SPATC1: variants seen among roughly 807,000 people sequenced by gnomAD.
SPATC1 encodes spermatogenesis and centriole associated 1, also known as speriolin.
In SPATC1, 35 loss-of-function variants were observed where a neutral mutation model predicts 36.5. That is an observed-to-expected ratio of 0.96 (90% confidence interval 0.73 to 1.27). The LOEUF is 1.27. Among genes scored for constraint, SPATC1 ranks in the 50% most tolerant of loss-of-function variants. The pLI, the probability that SPATC1 is intolerant of heterozygous loss-of-function variation, is 0.00. For synonymous variants in SPATC1, 361 were observed against 353.6 expected (o/e 1.02, Z -0.24); for missense variants, 779 against 796.0 (o/e 0.98, Z 0.26).
intron 1 of SPATC1, among the ~76,000 whole-genome samples, chr8:144,020,241 CACT>C (rs1834480471): frequency 2.7e-5 from 4 of 150,594 alleles, no homozygotes; most frequent in African/African-American, 7.4e-5. Context: ...TCTCTCAGGA[CACT>C]CTTCCCTGAA....
chr8:144,038,139 A>AG, intron 1 of SPATC1, among the ~76,000 whole-genome samples: 1 of 151,012 alleles, frequency 6.6e-6, no homozygotes, highest in East Asian at 2.0e-4. Flanking sequence ...AAAAAAAAAA[A>AG]AATTGATTTT....
In SPATC1 at chr8:144,026,528, T is replaced by A. The variant is rs1338231054; in HGVS notation, c.212-13381T>A. Among the ~76,000 whole-genome samples the A allele has an allele frequency of 4.6e-5, 7 of 152,330 alleles. No individual in the cohort carries two copies. In the East Asian group the frequency reaches 9.6e-4, roughly 21 times the overall value. On this transcript the variant is annotated intron_variant, in intron 1 of 4. Coordinates refer to ENST00000377470, the MANE Select transcript of SPATC1 (RefSeq NM_198572.3). Reference sequence around the variant, plus strand: ...TCAACTGTTTAAGGAACTGCCAGATTGTTTTTCAAAGCCGCCGCACCATTT... The same window carrying A: ...TCAACTGTTTAAGGAACTGCCAGATAGTTTTTCAAAGCCGCCGCACCATTT...
At chr8:144,023,176 C>T (rs1326335958) in intron 1 of SPATC1, among the ~76,000 whole-genome samples, 30 of 131,170 alleles carry the variant, frequency 2.3e-4, no homozygotes, top group Non-Finnish European at 3.9e-4. Context: ...TCTCAGGACC[C>T]TCTTTCCTCA....
In SPATC1 at chr8:144,046,416, C is replaced by T. The variant is rs1422000189; in HGVS notation, c.1447-211C>T. 2.0e-5 allele frequency among the ~76,000 whole-genome samples: 3 copies of T among 152,184 alleles called. No homozygotes were observed. The highest frequency in any genetic ancestry group is 6.5e-5 in the Admixed American group (1 of 15,288). On this transcript the variant is annotated intron_variant, in intron 4 of 4. Coordinates refer to ENST00000377470, the MANE Select transcript of SPATC1 (RefSeq NM_198572.3). The surrounding 1 kb of genome is among the most constrained non-coding windows in gnomAD (Gnocchi z 6.6). ...ACTGGGGAGCTTTGAGAGCCACCTG[C>T]CCTGCCCGGATCAGGCCTTGGAGAC...
At chr8:144,031,723 C>CTTTTTTTTTTTTTTTTTTTTTTTTT in intron 1 of SPATC1, among the ~76,000 whole-genome samples, 1 of 129,038 alleles carries the variant, frequency 7.7e-6, no homozygotes, top group Non-Finnish European at 1.6e-5. Flanking sequence ...TTCTTTCTTT[C>CTTTTTTTTTTTTTTTTTTTTTTTTT]TTTTTTTTTT....
chr8:144,037,145 G>A (rs1479881492), intron 1 of SPATC1, among the ~76,000 whole-genome samples: 1 of 124,588 alleles, frequency 8.0e-6, no homozygotes, highest in Non-Finnish European at 1.6e-5. Context: ...GGAGGGAGGT[G>A]GGGGGGTCAG....
chr8:144,021,076 TGA>T (rs2133106873), intron 1 of SPATC1, among the ~76,000 whole-genome samples: 2 of 1,456 alleles, frequency 1.4e-3, no homozygotes, highest in Admixed American at 9.3e-3. Context: ...CCTGAGGACC[TGA>T]TGCCCCCAGG....
Position 144,046,909 on chromosome 8 carries a change from C to CA in SPATC1, c.1729_1730insA (p.Leu577HisfsTer8). On this transcript the variant is annotated frameshift_variant, in exon 5 of 5. Coordinates refer to ENST00000377470, the MANE Select transcript of SPATC1 (RefSeq NM_198572.3). LOFTEE classifies it high-confidence loss of function. This position sits in a 1 kb window ranked among gnomAD's most constrained non-coding sequence, Gnocchi z 6.6. ...CGACGCGCTGCTGCTGCTCTCCTGC[C>CA]TCAGCCAGCTGGCGCACGATGACGG... is the stretch of plus-strand genomic sequence containing the variant. 1 of 1,598,982 alleles carries CA rather than the reference C, an allele frequency of 6.3e-7. No individual in the cohort carries two copies. Among genetic ancestry groups the CA allele is most frequent in the Non-Finnish European group, 8.5e-7 (1 of 1,179,674 alleles).
At chr8:144,029,614 AG>A (rs1475154285) in intron 1 of SPATC1, among the ~76,000 whole-genome samples, 1 of 152,138 alleles carries the variant, frequency 6.6e-6, no homozygotes, top group Non-Finnish European at 1.5e-5. Flanking sequence ...TCATTTCCAC[AG>A]TTGTGAATTT....
intron 4 of SPATC1, among the ~76,000 whole-genome samples, chr8:144,043,297 A>G (rs1283387655): frequency 7.0e-6 from 1 of 142,040 alleles, no homozygotes; most frequent in Non-Finnish European, 1.5e-5. Context: ...GCCCAGCCTT[A>G]CATTTTTTTT....
Position 144,045,567 on chromosome 8 carries a change from G to A in SPATC1, c.1447-1060G>A, listed in dbSNP as rs1835238249. On this transcript the variant is annotated intron_variant, in intron 4 of 4. Coordinates refer to ENST00000377470, the MANE Select transcript of SPATC1 (RefSeq NM_198572.3). The surrounding 1 kb of genome is among the most constrained non-coding windows in gnomAD (Gnocchi z 5.2). ...AAGAGGGGTGCAGGGACAGATGGGG[G>A]GACACTGGAGGGTGGCCCTCCCCCA... 6.6e-6 allele frequency among the ~76,000 whole-genome samples: 1 copy of A among 152,194 alleles called. No individual in the cohort carries two copies. The highest frequency in any genetic ancestry group is 6.5e-5 in the Admixed American group (1 of 15,290).
chr8:144,032,134 A>G (rs901717187), intron 1 of SPATC1, among the ~76,000 whole-genome samples: 2 of 151,938 alleles, frequency 1.3e-5, no homozygotes, highest in East Asian at 3.9e-4. Flanking sequence ...GAGGTCTCTT[A>G]GGCTTTATTC....
At chr8:144,037,627 T>C (rs1834938771) in intron 1 of SPATC1, among the ~76,000 whole-genome samples, 1 of 151,900 alleles carries the variant, frequency 6.6e-6, no homozygotes, top group African/African-American at 2.4e-5. Context: ...TTAAGAGTCA[T>C]CACCACTCCC....
rs782000544 is a variant in SPATC1, at chr8:144,041,089, T to A, written c.1288T>A (p.Phe430Ile). Residue 430 changes from phenylalanine (F) to isoleucine (I), a missense_variant, in exon 3 of 5, where the codon TTC (phenylalanine) becomes ATC (isoleucine). Coordinates refer to ENST00000377470, the MANE Select transcript of SPATC1 (RefSeq NM_198572.3). ...GCTGGCCCACCGCAAGACCAGCAAG[T>A]TCCCCGAGAACCCCCGAGGTCAGTG... ...RKLAHRKTSK[F>I]PENPRESKQL... The A allele has an allele frequency of 1.5e-5, 24 of 1,583,758 alleles. No individual in the cohort carries two copies. The highest frequency in any genetic ancestry group is 1.8e-5 in the Non-Finnish European group (21 of 1,163,202).
chr8:144,041,261 G>C lies in SPATC1; in HGVS notation c.1336G>C (p.Val446Leu), dbSNP rs1204359545. ...ESKQLAWERL[V>L]GEIAFQLDRR... is the part of the protein sequence containing the mutation. Reference sequence around the variant, plus strand: ...GAAGCAGCTGGCCTGGGAGAGGCTGGTGGGTGAGATTGCCTTCCAGCTGGA... The same window carrying C: ...GAAGCAGCTGGCCTGGGAGAGGCTGCTGGGTGAGATTGCCTTCCAGCTGGA... The change falls in exon 4 of 5, where the codon GTG becomes CTG. Residue 446 changes from valine (V) to leucine (L), a missense_variant. Coordinates refer to ENST00000377470, the MANE Select transcript of SPATC1 (RefSeq NM_198572.3). The C allele has an allele frequency of 1.2e-6, 2 of 1,613,216 alleles. No homozygotes were observed. Among genetic ancestry groups the C allele is most frequent in the Non-Finnish European group, 1.7e-6 (2 of 1,179,998 alleles).
At chr8:144,041,672 G>C (rs886186905) in intron 4 of SPATC1, among the ~76,000 whole-genome samples, 1 of 152,212 alleles carries the variant, frequency 6.6e-6, no homozygotes, top group Non-Finnish European at 1.5e-5. Flanking sequence ...CAGCATGCCG[G>C]AGTGTGCGTC....
intron 4 of SPATC1, chr8:144,042,067 C>A: frequency 1.1e-6 from 1 of 936,624 alleles, no homozygotes; most frequent in South Asian, 4.9e-5. Flanking sequence ...CAAGACTCCA[C>A]CTGAAAAAGA....
chr8:144,011,442 C>A (rs567149326), upstream of SPATC1, among the ~76,000 whole-genome samples: 1 of 152,276 alleles, frequency 6.6e-6, no homozygotes, highest in East Asian at 1.9e-4. The surrounding 1 kb of genome is among the most constrained non-coding windows in gnomAD (Gnocchi z 4.5). Context: ...CCTTCTTCCC[C>A]TTCCTCATTC....
intron 1 of SPATC1, among the ~76,000 whole-genome samples, chr8:144,014,081 T>C (rs1414046590): frequency 6.6e-6 from 1 of 151,798 alleles, no homozygotes; most frequent in African/African-American, 2.4e-5. Context: ...TGAAACCCCA[T>C]CTCTACTAAA....
Sources: gnomAD v4.1 joint callset for allele counts (sites outside exome capture counted in the v4.1 genomes callset) on GRCh38, gnomAD v4.1.1 for gene constraint, Gnocchi (gnomAD v3.1) non-coding constraint, MANE v1.5 for transcripts, NCBI Gene and HGNC (gene_info 2026-07-23, HGNC 2026-07-21) for gene names.